Variants in TAFA2 observed in about 807,000 individuals in gnomAD.
TAFA2 encodes chemokine-like protein TAFA-2.
TAFA2 carries 7 observed loss-of-function variants against 18.8 expected under a neutral mutation model. The observed-to-expected ratio is 0.37, with a 90% CI of 0.21 to 0.70. The LOEUF (loss-of-function observed/expected upper bound fraction) is 0.70. Among genes scored for constraint, TAFA2 ranks in the 30% least tolerant of loss-of-function variants. The pLI, the probability that TAFA2 is intolerant of heterozygous loss-of-function variation, is 0.53. For missense variants in TAFA2, 122 were observed against 158.1 expected, an observed-to-expected ratio of 0.77 and a Z score of 1.23; for synonymous variants, 60 against 54.2, an observed-to-expected ratio of 1.11 and a Z score of -0.47.
At chr12:61,764,215 G>A (rs941716788) in intron 2 of TAFA2, among the ~76,000 whole-genome samples, 3 of 133,076 alleles carry the variant, frequency 2.3e-5, no homozygotes, top group Non-Finnish European at 4.8e-5. Flanking sequence ...GTCCATTTTA[G>A]ATTAGATGAT....
intron 1 of TAFA2, among the ~76,000 whole-genome samples, chr12:62,250,936 G>C (rs893827377): frequency 1.5e-5 from 2 of 134,610 alleles, no homozygotes; most frequent in African/African-American, 2.5e-5. Context: ...AATCCTCAGA[G>C]AGCAGCTGAG....
At chr12:62,095,960 T>C (rs1015913461) in intron 1 of TAFA2, among the ~76,000 whole-genome samples, 1 of 152,110 alleles carries the variant, frequency 6.6e-6, no homozygotes, top group Admixed American at 6.6e-5. Flanking sequence ...AAAAGAATGC[T>C]ACAGGTCTGG....
Position 62,240,653 on chromosome 12 carries a change from C to A in TAFA2, c.-130+18110G>T, listed in dbSNP as rs1279132638. 2.6e-5 allele frequency among the ~76,000 whole-genome samples: 4 copies of A among 152,128 alleles called. No individual in the cohort carries two copies. In the East Asian group the frequency reaches 7.7e-4, roughly 29 times the overall value. The stretch of plus-strand genomic sequence containing the variant: ...TTCAATTATTTTATTCAAATTTTGG[C>A]ATCTACAATGGTTGACCAGAAAAAT... On this transcript the variant is annotated intron_variant, in intron 1 of 5. Coordinates refer to the TAFA2 transcript ENST00000551619.
chr12:62,031,356 G>A (rs1050862208), intron 1 of TAFA2, among the ~76,000 whole-genome samples: 1 of 152,076 alleles, frequency 6.6e-6, no homozygotes, highest in East Asian at 1.9e-4. Context: ...GATGCTTCCT[G>A]CCCTGGAACA....
intron 1 of TAFA2, among the ~76,000 whole-genome samples, chr12:62,190,167 G>A (rs949764218): frequency 6.6e-6 from 1 of 152,020 alleles, no homozygotes; most frequent in African/African-American, 2.4e-5. Context: ...AAACGCTTCA[G>A]GCAATTGTTT....
At chr12:62,040,369 C>T (rs1280735620) in intron 1 of TAFA2, among the ~76,000 whole-genome samples, 1 of 152,026 alleles carries the variant, frequency 6.6e-6, no homozygotes, top group South Asian at 2.1e-4. Context: ...CAGAATCTGA[C>T]CTTATTTGGA....
At chr12:61,849,540 A>T (rs1873555641) in intron 2 of TAFA2, among the ~76,000 whole-genome samples, 1 of 152,190 alleles carries the variant, frequency 6.6e-6, no homozygotes, top group Non-Finnish European at 1.5e-5. Context: ...TAAGTACATA[A>T]CTTTCTATTA....
chr12:61,977,375 T>A lies in TAFA2; in HGVS notation c.-1-109949A>T, dbSNP rs1308996863. Among the ~76,000 whole-genome samples, 7 of 152,028 alleles carry A rather than the reference T, an allele frequency of 4.6e-5. No individual in the cohort carries two copies. In the East Asian group the frequency reaches 1.2e-3, roughly 25 times the overall value. ...ATCTCCTTTCCTGATAGTCTATGCT[T>A]TTCACATCCATACTAGAAATATTAT... On this transcript the variant is annotated intron_variant, in intron 1 of 4. Transcript: ENST00000416284.
At chr12:61,815,946 T>C (rs995993846) in intron 2 of TAFA2, among the ~76,000 whole-genome samples, 23 of 151,302 alleles carry the variant, frequency 1.5e-4, no homozygotes, top group Non-Finnish European at 2.8e-4. Flanking sequence ...AGGGGATAAA[T>C]TATAATATAG....
intron 2 of TAFA2, among the ~76,000 whole-genome samples, chr12:61,786,914 T>G (rs1036057282): frequency 3.3e-5 from 5 of 151,420 alleles, no homozygotes; most frequent in Admixed American, 6.6e-5. Context: ...ATTATAAAAT[T>G]TACTCAATCC....
chr12:61,899,058 C>G (rs892956056), intron 1 of TAFA2, among the ~76,000 whole-genome samples: 1 of 152,156 alleles, frequency 6.6e-6, no homozygotes, highest in Non-Finnish European at 1.5e-5. Flanking sequence ...ACCTTTACTC[C>G]AGTTCCCAAG....
rs184201473 is a variant in TAFA2 at position 62,163,316 on chromosome 12, C to T, written c.-2+27943G>A. Among the ~76,000 whole-genome samples the T allele has an allele frequency of 3.2e-3, 481 of 152,212 alleles. 1 individual carries two copies. Among genetic ancestry groups the T allele is most frequent in the African/African-American group, 0.011 (458 of 41,530 alleles). ...AATCTCCAAACACTGAAAGAAAACACGAATCACAACTTTCCATTGCTCTTA... is the reference window on the plus strand; with the variant it reads ...AATCTCCAAACACTGAAAGAAAACATGAATCACAACTTTCCATTGCTCTTA... On this transcript the variant is annotated intron_variant, in intron 1 of 4. Coordinates refer to ENST00000416284, the MANE Select transcript of TAFA2 (RefSeq NM_178539.5).
chr12:62,122,779 T>C (rs1146086), intron 1 of TAFA2, among the ~76,000 whole-genome samples: 141,677 of 152,218 alleles, frequency 0.93, 65,967 homozygotes, highest in Non-Finnish European at 0.94. Context: ...CTGGGTACAT[T>C]GAGAAACACC....
chr12:61,798,597 C>T (rs1050101519), intron 2 of TAFA2, among the ~76,000 whole-genome samples: 5 of 152,102 alleles, frequency 3.3e-5, no homozygotes, highest in Admixed American at 1.3e-4. Context: ...ATTCTACTTT[C>T]TGTGTCTATG....
At chr12:61,785,545 T>C (rs991451600) in intron 2 of TAFA2, among the ~76,000 whole-genome samples, 3 of 151,544 alleles carry the variant, frequency 2.0e-5, no homozygotes, top group African/African-American at 7.3e-5. Flanking sequence ...TTATTTCTAC[T>C]TGTTGGCAAT....
intron 1 of TAFA2, among the ~76,000 whole-genome samples, chr12:61,920,286 A>T (rs957877228): frequency 6.6e-6 from 1 of 152,188 alleles, no homozygotes; most frequent in Non-Finnish European, 1.5e-5. Flanking sequence ...ATGAGAATTA[A>T]TAGATGCAGA....
At chr12:61,808,759 C>T (rs906155149) in intron 2 of TAFA2, among the ~76,000 whole-genome samples, 3 of 151,368 alleles carry the variant, frequency 2.0e-5, no homozygotes, top group Admixed American at 6.6e-5. Context: ...CTGGAATTAA[C>T]GAGATCAATG....
At chr12:62,212,196 G>T (rs533303228) in intron 1 of TAFA2, among the ~76,000 whole-genome samples, 4 of 152,156 alleles carry the variant, frequency 2.6e-5, no homozygotes, top group Non-Finnish European at 5.9e-5. Context: ...CAGAATTGGA[G>T]AGGAAGTTTC....
At chr12:61,710,566 G>A in intron 4 of TAFA2, 149 bp from the exon 5 acceptor site, 1 of 614,012 alleles carries the variant, frequency 1.6e-6, no homozygotes, top group South Asian at 2.2e-5. Flanking sequence ...AACAGATGCA[G>A]GTATTTCCAT....
Sources: allele counts gnomAD v4.1 joint callset (sites outside exome capture counted in the v4.1 genomes callset), GRCh38; gene constraint gnomAD v4.1.1; transcripts MANE v1.5; gene names NCBI Gene and HGNC (gene_info 2026-07-23, HGNC 2026-07-21).